The following ROBO2 variants were observed in gnomAD, a reference collection of about 807,000 sequenced individuals.
ROBO2 encodes roundabout homolog 2.
A neutral mutation model predicts 160.8 loss-of-function variants in ROBO2; 53 were observed. That is an observed-to-expected ratio of 0.33 (90% CI 0.26 to 0.41). ROBO2 has a LOEUF of 0.41. Ranked by LOEUF, ROBO2 falls within the 10% of genes least tolerant of loss-of-function variation. The pLI, the probability that ROBO2 is intolerant of heterozygous loss-of-function variation, is 1.00. For synonymous variants in ROBO2, 664 were observed against 611.7 expected (o/e 1.09, Z -1.26); for missense variants, 1,577 against 1,722.4 (o/e 0.92, Z 1.49).
intron 2 of ROBO2, among the ~76,000 whole-genome samples, chr3:76,522,760 G>C (rs2081700529): frequency 6.6e-6 from 1 of 151,860 alleles, no homozygotes; most frequent in Admixed American, 6.6e-5. Flanking sequence ...CTAGTGAGCT[G>C]CAAGAATTGA....
At chr3:76,923,057 C>T (rs532165549) in intron 2 of ROBO2, among the ~76,000 whole-genome samples, 15 of 152,286 alleles carry the variant, frequency 9.8e-5, no homozygotes, top group African/African-American at 3.4e-4. Context: ...ACATTTATTT[C>T]TGTTTCAAGC....
chr3:76,038,847 C>G (rs2067198419), intron 2 of ROBO2, among the ~76,000 whole-genome samples: 1 of 151,624 alleles, frequency 6.6e-6, no homozygotes, highest in Non-Finnish European at 1.5e-5. Flanking sequence ...GTCTAGTAAT[C>G]TTACACTGTC....
Position 77,299,220 on chromosome 3 carries a change from T to C in ROBO2, c.389-178194T>C, listed in dbSNP as rs536608021. 1.2e-4 allele frequency among the ~76,000 whole-genome samples: 19 copies of C among 152,276 alleles called. 1 individual carries two copies. In the South Asian group the frequency reaches 3.9e-3, roughly 32 times the overall value. Reference sequence around the variant, plus strand: ...AGATTCTAAAATATTAGTCTACATATGTTTAAACTGACATTTAAATTGAGG... The same window carrying C: ...AGATTCTAAAATATTAGTCTACATACGTTTAAACTGACATTTAAATTGAGG... On this transcript the variant is annotated intron_variant, in intron 2 of 25. Transcript: ENST00000461745.
chr3:76,597,004 A>C (rs2086776331), intron 2 of ROBO2, among the ~76,000 whole-genome samples: 1 of 152,148 alleles, frequency 6.6e-6, no homozygotes, highest in Non-Finnish European at 1.5e-5. Context: ...TAAAACTTAC[A>C]TCAAATCATC....
chr3:77,642,877 T>G (rs1438158107), intron 24 of ROBO2: 7 of 456,556 alleles, frequency 1.5e-5, no homozygotes, highest in Non-Finnish European at 2.2e-5. Context: ...AACCCAGGAA[T>G]GGATAAGCTC....
chr3:75,997,321 T>C (rs999153977), intron 2 of ROBO2, among the ~76,000 whole-genome samples: 1 of 152,146 alleles, frequency 6.6e-6, no homozygotes, highest in Non-Finnish European at 1.5e-5. Context: ...TTGAATTTCT[T>C]ATTTGCTAGT....
intron 2 of ROBO2, among the ~76,000 whole-genome samples, chr3:76,524,826 T>TAAAAAAAA (rs58091252): frequency 3.2e-4 from 7 of 21,724 alleles, no homozygotes; most frequent in Admixed American, 1.6e-3. Context: ...CTCTTATTCC[T>TAAAAAAAA]AAAAAAAAAA....
chr3:77,313,240 T>C (rs2063699309), intron 2 of ROBO2, among the ~76,000 whole-genome samples: 1 of 152,226 alleles, frequency 6.6e-6, no homozygotes, highest in African/African-American at 2.4e-5. Context: ...ATTTAATTTT[T>C]TAATTGATAC....
intron 2 of ROBO2, among the ~76,000 whole-genome samples, chr3:76,177,387 T>C (rs1287820900): frequency 1.3e-5 from 2 of 152,212 alleles, no homozygotes; most frequent in Non-Finnish European, 2.9e-5. Flanking sequence ...TTCAAACTTA[T>C]ACTCACTTGA....
chr3:76,117,355 A>AGAATATATAAAAT, intron 2 of ROBO2, among the ~76,000 whole-genome samples: 1 of 152,318 alleles, frequency 6.6e-6, no homozygotes, highest in South Asian at 2.1e-4. Flanking sequence ...TTTAAGTCTG[A>AGAATATATAAAAT]CCTTAATCTA....
chr3:77,244,771 G>A (rs1294471800), intron 2 of ROBO2, among the ~76,000 whole-genome samples: 6 of 151,630 alleles, frequency 4.0e-5, no homozygotes, highest in South Asian at 4.2e-4. Flanking sequence ...CCAGCTACTC[G>A]GGAGGCTGAG....
chr3:76,807,317 C>G (rs1287683646), intron 2 of ROBO2, among the ~76,000 whole-genome samples: 1 of 151,996 alleles, frequency 6.6e-6, no homozygotes, highest in Non-Finnish European at 1.5e-5. Flanking sequence ...TAGTTTTCAG[C>G]TTCAGTATTT....
intron 2 of ROBO2, among the ~76,000 whole-genome samples, chr3:76,984,152 C>T (rs1394739588): frequency 6.6e-6 from 1 of 152,114 alleles, no homozygotes. Context: ...AGCCCTTTCT[C>T]GTGGGGATTC....
chr3:77,158,541 T>C (rs1387985730), intron 2 of ROBO2, among the ~76,000 whole-genome samples: 1 of 152,112 alleles, frequency 6.6e-6, no homozygotes, highest in East Asian at 1.9e-4. Flanking sequence ...GGTTTACTCA[T>C]CACATAAAGA....
intron 2 of ROBO2, among the ~76,000 whole-genome samples, chr3:76,963,842 AAAAAAAAG>A (rs1209807083): frequency 1.1e-4 from 16 of 150,786 alleles, no homozygotes; most frequent in African/African-American, 3.4e-4. Flanking sequence ...ACTGCAAAAA[AAAAAAAAG>A]AAAAAAAAGA....
At chr3:76,055,164 A>G (rs2067793083) in intron 2 of ROBO2, among the ~76,000 whole-genome samples, 1 of 152,118 alleles carries the variant, frequency 6.6e-6, no homozygotes, top group African/African-American at 2.4e-5. Flanking sequence ...CATGAGACTT[A>G]TTCAATATCA....
intron 2 of ROBO2, among the ~76,000 whole-genome samples, chr3:77,181,401 G>C (rs13097139): frequency 0.34 from 51,654 of 151,894 alleles, 9,323 homozygotes; most frequent in Middle Eastern, 0.48. Context: ...GTGTGTGTCT[G>C]TGGAAAATGA....
At chr3:77,433,212 C>G (rs1398320741) in intron 2 of ROBO2, among the ~76,000 whole-genome samples, 1 of 151,784 alleles carries the variant, frequency 6.6e-6, no homozygotes, top group Non-Finnish European at 1.5e-5. Flanking sequence ...GGTCAGGAGC[C>G]AATAGAGCAA....
At chr3:76,166,382 A>G (rs1266008161) in intron 2 of ROBO2, among the ~76,000 whole-genome samples, 1 of 152,130 alleles carries the variant, frequency 6.6e-6, no homozygotes, top group East Asian at 1.9e-4. Flanking sequence ...TTTTGCTGCC[A>G]TGTTCAGCTC....
Sources: gnomAD v4.1 joint callset for allele counts (sites outside exome capture counted in the v4.1 genomes callset) on GRCh38, gnomAD v4.1.1 for gene constraint, MANE v1.5 for transcripts, NCBI Gene and HGNC (gene_info 2026-07-23, HGNC 2026-07-21) for gene names.